Variants in ANKRD50 observed in about 807,000 individuals in gnomAD.
ANKRD50 encodes ankyrin repeat domain-containing protein 50.
Under a neutral mutation model 112.0 loss-of-function variants are expected in ANKRD50, and 40 were observed. The observed-to-expected ratio is 0.36, with a 90% CI of 0.28 to 0.46. The LOEUF (loss-of-function observed/expected upper bound fraction) is 0.46. Ranked by LOEUF, ANKRD50 falls within the 20% of genes least tolerant of loss-of-function variation. The probability of loss-of-function intolerance (pLI) is 1.00; values close to 1 mark genes in which losing one functional copy is unlikely to be tolerated. For synonymous variants in ANKRD50, 613 were observed against 619.1 expected, an observed-to-expected ratio of 0.99 and a Z score of 0.15; for missense variants, 1,487 against 1,701.7, an observed-to-expected ratio of 0.87 and a Z score of 2.22.
chr4:124,703,754 T>G (rs895057805), intron 2 of ANKRD50, among the ~76,000 whole-genome samples: 1 of 152,022 alleles, frequency 6.6e-6, no homozygotes, highest in Non-Finnish European at 1.5e-5. Context: ...ATACTCAACT[T>G]GTAGAGCACC....
chr4:124,700,570 G>GA (rs1447239091), intron 2 of ANKRD50, among the ~76,000 whole-genome samples: 1 of 152,108 alleles, frequency 6.6e-6, no homozygotes, highest in East Asian at 1.9e-4. Context: ...GATGACGAAT[G>GA]AAACTGAGTT....
intron 4 of ANKRD50, among the ~76,000 whole-genome samples, chr4:124,668,221 T>A (rs949492928): frequency 6.6e-6 from 1 of 151,886 alleles, no homozygotes; most frequent in African/African-American, 2.4e-5. Flanking sequence ...GAAAAAAAAA[T>A]TTATTTAACA....
chr4:124,708,614 G>A (rs556627910), intron 2 of ANKRD50, among the ~76,000 whole-genome samples: 2 of 151,688 alleles, frequency 1.3e-5, no homozygotes, highest in African/African-American at 4.8e-5. Flanking sequence ...CTGTTCTCCA[G>A]CTTTGCCATA....
In ANKRD50 at chr4:124,710,608, G is replaced by A; in HGVS notation, c.-97C>T. 1 of 1,359,142 alleles carries A rather than the reference G, an allele frequency of 7.4e-7. No individual in the cohort carries two copies. Among genetic ancestry groups the A allele is most frequent in the Non-Finnish European group, 1.0e-6 (1 of 1,000,780 alleles). 84.2% of individuals were successfully genotyped at this position (1,359,142 alleles called of 1,614,324 possible). On this transcript the variant is annotated 5_prime_UTR_variant, in exon 2 of 5. Coordinates refer to ENST00000504087, the MANE Select transcript of ANKRD50 (RefSeq NM_020337.3). ...ACTTGTATATTAAGTTGACTCTGAAGACAGAGTAACTAGTTACAGTAAAAT... is the reference window on the plus strand; with the variant it reads ...ACTTGTATATTAAGTTGACTCTGAAAACAGAGTAACTAGTTACAGTAAAAT...
chr4:124,696,559 A>G (rs776576880), intron 2 of ANKRD50, among the ~76,000 whole-genome samples: 1 of 152,228 alleles, frequency 6.6e-6, no homozygotes, highest in Non-Finnish European at 1.5e-5. Context: ...AAGAAACCAC[A>G]TTTTGGCATG....
intron 2 of ANKRD50, among the ~76,000 whole-genome samples, chr4:124,702,290 T>C (rs558661540): frequency 1.5e-4 from 23 of 152,114 alleles, no homozygotes; most frequent in East Asian, 1.2e-3. Flanking sequence ...GTGAGAAAAA[T>C]GAATGAAGTA....
chr4:124,672,011 A>C lies in ANKRD50; in HGVS notation c.1266T>G (p.Thr422=). ...AEWLLDVKHC[T]QKYLCNAAEG... ...CTGCTGCATTACATAAATACTTCTGAGTACAGTGTTTCACATCCAGAAGCC... is the reference window on the plus strand; with the variant it reads ...CTGCTGCATTACATAAATACTTCTGCGTACAGTGTTTCACATCCAGAAGCC... The change falls in exon 4 of 5, where the codon ACT becomes ACG. Residue 422 remains threonine, a synonymous_variant. Transcript: ENST00000504087. 1 of 1,613,912 alleles carries C rather than the reference A, an allele frequency of 6.2e-7. No homozygotes were observed. The highest frequency in any genetic ancestry group is 8.5e-7 in the Non-Finnish European group (1 of 1,179,880).
intron 2 of ANKRD50, among the ~76,000 whole-genome samples, chr4:124,689,431 A>T (rs1287448291): frequency 2.0e-5 from 3 of 152,192 alleles, no homozygotes; most frequent in Admixed American, 2.0e-4. Context: ...TCAAATATTA[A>T]TGCAGGTATG....
intron 2 of ANKRD50, among the ~76,000 whole-genome samples, chr4:124,701,967 A>T (rs1322299900): frequency 1.3e-5 from 2 of 152,244 alleles, no homozygotes; most frequent in Non-Finnish European, 2.9e-5. Flanking sequence ...CTCAACATGT[A>T]TCAAACAAAA....
rs1178770697 is a variant in ANKRD50 at position 124,664,785 on chromosome 4, G to C, written c.*2733C>G. The C allele has an allele frequency of 6.6e-6, 1 of 151,984 alleles. No individual in the cohort carries two copies. The highest frequency in any genetic ancestry group is 1.5e-5 in the Non-Finnish European group (1 of 67,878). The allele number at this position is 151,984 out of a possible 1,614,324, so 9.4% of individuals were successfully genotyped here. On this transcript the variant is annotated 3_prime_UTR_variant, in exon 5 of 5. Coordinates refer to ENST00000504087, the MANE Select transcript of ANKRD50 (RefSeq NM_020337.3). ...AACTATTTTTGGTGAGAATTCCAGT[G>C]AGGGTGGGGGTGAAAACAAAGAACA...
intron 2 of ANKRD50, among the ~76,000 whole-genome samples, chr4:124,695,607 A>G (rs914765635): frequency 6.6e-6 from 1 of 152,164 alleles, no homozygotes; most frequent in African/African-American, 2.4e-5. Context: ...AATTCTGCTA[A>G]AGGGATGGTG....
intron 2 of ANKRD50, among the ~76,000 whole-genome samples, chr4:124,685,636 A>G (rs998257602): frequency 1.1e-4 from 15 of 139,894 alleles, no homozygotes; most frequent in South Asian, 2.3e-4. Context: ...TCATACAAAG[A>G]TAACACTGTA....
intron 2 of ANKRD50, among the ~76,000 whole-genome samples, chr4:124,688,682 G>T (rs1273856027): frequency 1.3e-5 from 2 of 152,068 alleles, no homozygotes; most frequent in African/African-American, 4.8e-5. Context: ...TTTCCAGTTG[G>T]TATTCTGAGG....
At chr4:124,682,417 A>G (rs144508871) in intron 2 of ANKRD50, among the ~76,000 whole-genome samples, 4 of 151,768 alleles carry the variant, frequency 2.6e-5, no homozygotes, top group Admixed American at 6.6e-5. Flanking sequence ...ATTCGGTAAC[A>G]GTATTGTCCA....
At chr4:124,680,749 G>A (rs928836004) in intron 2 of ANKRD50, among the ~76,000 whole-genome samples, 4 of 152,148 alleles carry the variant, frequency 2.6e-5, no homozygotes, top group Non-Finnish European at 5.9e-5. Context: ...CAGGGGAAGT[G>A]TGGGGGAGAG....
rs368511135 is a variant in ANKRD50, at chr4:124,669,173, A to G, written c.4104T>C (p.His1368=). Residue 1368 remains histidine, a synonymous_variant, in exon 4 of 5, where the codon CAT becomes CAC. Transcript: ENST00000504087. ...CAAGAAAAACCTGGTTGCTCTGAAGATGATAATTTGGATTTGTCATTATTC... is the reference window on the plus strand; with the variant it reads ...CAAGAAAAACCTGGTTGCTCTGAAGGTGATAATTTGGATTTGTCATTATTC... ...RNGIMTNPNY[H]LQSNQVFLGR... 5 of 1,613,490 alleles carry G rather than the reference A, an allele frequency of 3.1e-6. No individual in the cohort carries two copies. The highest frequency in any genetic ancestry group is 1.3e-5 in the African/African-American group (1 of 74,852).
At chr4:124,675,856 G>C (rs1420817726) in intron 3 of ANKRD50, among the ~76,000 whole-genome samples, 1 of 151,750 alleles carries the variant, frequency 6.6e-6, no homozygotes, top group Non-Finnish European at 1.5e-5. Flanking sequence ...ATTGTGCTTA[G>C]TGCCAAAGTC....
rs959110794 is a variant in ANKRD50, at chr4:124,710,637, A to C, written c.-126T>G. On this transcript the variant is annotated 5_prime_UTR_variant, in exon 2 of 5. Transcript: ENST00000504087. ...GAGTAACTAGTTACAGTAAAATTCA[A>C]CAGCCACAGAGTTCCTCTGTCAACA... is the stretch of plus-strand genomic sequence containing the variant. 270 of 1,153,534 alleles carry C rather than the reference A, an allele frequency of 2.3e-4. No homozygotes were observed. The highest frequency in any genetic ancestry group is 2.6e-4 in the Middle Eastern group (1 of 3,788). 71.5% of individuals were successfully genotyped at this position (1,153,534 alleles called of 1,614,324 possible). A position where few individuals can be genotyped will look rare whatever the true frequency, so the allele number is the denominator to read the frequency against.
In ANKRD50 at chr4:124,669,953, A is replaced by G; in HGVS notation, c.3324T>C (p.Cys1108=). ...CCATTGTGTGAACAGGAGATGGGGA[A>G]CAGCCATTCAAACTAGATGCACCAT... ...EKYGASSLNG[C]SPSPVHTMEQ... Residue 1108 remains cysteine (C), a synonymous_variant, in exon 4 of 5, where the codon TGT becomes TGC. Coordinates refer to ENST00000504087, the MANE Select transcript of ANKRD50 (RefSeq NM_020337.3). 1.2e-6 allele frequency: 2 copies of G among 1,612,218 alleles called. No homozygotes were observed. Among genetic ancestry groups the G allele is most frequent in the South Asian group, 2.2e-5 (2 of 90,554 alleles).
Sources: gnomAD v4.1 joint callset for allele counts (sites outside exome capture counted in the v4.1 genomes callset) on GRCh38, gnomAD v4.1.1 for gene constraint, MANE v1.5 for transcripts, NCBI Gene and HGNC (gene_info 2026-07-23, HGNC 2026-07-21) for gene names.